The following PDLIM3 variants were observed in gnomAD, a reference collection of about 807,000 sequenced individuals.
PDLIM3 encodes PDZ and LIM domain 3.
PDLIM3 carries 36 observed loss-of-function variants against 37.3 expected under a neutral mutation model. That is an observed-to-expected ratio of 0.97 (90% CI 0.74 to 1.28). The LOEUF is 1.28. Among genes scored for constraint, PDLIM3 ranks in the 50% most tolerant of loss-of-function variants. PDLIM3 has a pLI of 0.00. For synonymous variants in PDLIM3, 174 were observed against 182.4 expected (o/e 0.95, Z 0.37); for missense variants, 454 against 485.0 (o/e 0.94, Z 0.60).
At chr4:185,506,095 T>G (rs932695882) in intron 6 of PDLIM3, among the ~76,000 whole-genome samples, 1 of 152,104 alleles carries the variant, frequency 6.6e-6, no homozygotes, top group Non-Finnish European at 1.5e-5. Flanking sequence ...CTGTGAGGAT[T>G]ACATGATACT....
Position 185,508,323 on chromosome 4 carries a change from G to C in PDLIM3, c.638C>G (p.Ala213Gly). The part of the protein sequence containing the change: ...METLQGQVST[A>G]LGETPLMSEP... ...CCTCATCAAAGGTGTTTCCCCTAGG[G>C]CTGTTGAAACCTGACCCTGGAGTGT... Residue 213 changes from alanine to glycine, a missense_variant, in exon 5 of 8, where the codon GCC (alanine) becomes GGC (glycine). By Grantham distance (60) the Ala-to-Gly change is moderately conservative (BLOSUM62 0). Coordinates refer to ENST00000284767, the MANE Select transcript of PDLIM3 (RefSeq NM_014476.6). 1 of 1,614,024 alleles carries C rather than the reference G, an allele frequency of 6.2e-7. No homozygotes were observed. The highest frequency in any genetic ancestry group is 8.5e-7 in the Non-Finnish European group (1 of 1,179,924).
At chr4:185,503,973 T>C (rs1247813575) in intron 7 of PDLIM3, among the ~76,000 whole-genome samples, 1 of 152,180 alleles carries the variant, frequency 6.6e-6, no homozygotes, top group Non-Finnish European at 1.5e-5. Flanking sequence ...TCCCTTGTAA[T>C]GGAAGCTGAC....
At chr4:185,512,618 T>C (rs540118542) in intron 4 of PDLIM3, 1 of 953,860 alleles carries the variant, frequency 1.0e-6, no homozygotes, top group South Asian at 4.8e-5. Context: ...AATTAAATGT[T>C]ATAGGTTTTT....
chr4:185,527,526 G>A (rs2095736366), intron 1 of PDLIM3, among the ~76,000 whole-genome samples: 1 of 152,218 alleles, frequency 6.6e-6, no homozygotes, highest in Non-Finnish European at 1.5e-5. Flanking sequence ...GTTAATAGAA[G>A]CTGGGTGAAG....
chr4:185,526,442 CAT>C (rs891546321), intron 1 of PDLIM3, among the ~76,000 whole-genome samples: 2 of 152,116 alleles, frequency 1.3e-5, no homozygotes, highest in African/African-American at 4.8e-5. Flanking sequence ...ATGCTGTCCA[CAT>C]GTTTTTCAGG....
At chr4:185,513,681 C>G in intron 4 of PDLIM3, 1 of 995,034 alleles carries the variant, frequency 1.0e-6, no homozygotes, top group Non-Finnish European at 1.2e-6. Flanking sequence ...ACTGGCTTAG[C>G]TGAGGTCAGA....
chr4:185,505,923 G>A (rs1409275612), intron 6 of PDLIM3, among the ~76,000 whole-genome samples: 1 of 152,220 alleles, frequency 6.6e-6, no homozygotes, highest in East Asian at 1.9e-4. Context: ...TTTGGGCATG[G>A]AGAAGCCTAG....
At position 185,521,409 on chromosome 4, in the gene PDLIM3, T is replaced by C. The variant is rs1289554022; in HGVS notation, c.330+1953A>G. Among the ~76,000 whole-genome samples the C allele has an allele frequency of 1.8e-4, 11 of 60,506 alleles. 3 individuals carry two copies. The highest frequency in any genetic ancestry group is 3.2e-4 in the African/African-American group (11 of 34,320). 39.7% of individuals were successfully genotyped at this position (60,506 alleles called of 152,430 possible). A position where few individuals can be genotyped will look rare whatever the true frequency, so the allele number is the denominator to read the frequency against. On this transcript the variant is annotated intron_variant, in intron 3 of 7. Coordinates refer to ENST00000284767, the MANE Select transcript of PDLIM3 (RefSeq NM_014476.6). The stretch of plus-strand genomic sequence containing the variant: ...ACTTTCTTTTCTTTTCTTTTTTTTT[T>C]TTTTTGAGACAGGGTCTTGCTCTGT...
chr4:185,528,165 AGAGTT>A, intron 1 of PDLIM3, among the ~76,000 whole-genome samples: 1 of 152,250 alleles, frequency 6.6e-6, no homozygotes, highest in Non-Finnish European at 1.5e-5. Context: ...ATACCTTAAT[AGAGTT>A]AAGTTATGTA....
In PDLIM3 at chr4:185,514,740, C is replaced by T. The variant is rs377642634; in HGVS notation, c.331-403G>A. 28 of 1,551,966 alleles carry T rather than the reference C, an allele frequency of 1.8e-5. No individual in the cohort carries two copies. Among genetic ancestry groups the T allele is most frequent in the South Asian group, 3.6e-5 (3 of 84,044 alleles). On this transcript the variant is annotated intron_variant, in intron 3 of 7. Coordinates refer to ENST00000284767, the MANE Select transcript of PDLIM3 (RefSeq NM_014476.6). The surrounding 1 kb of genome is among the most constrained non-coding windows in gnomAD (Gnocchi z 4.0). ...CTAGGAATGAGACCCCGCAGCTGTC[C>T]GTGAAGCGCATCTTGTATATTGCTA...
At chr4:185,517,403 C>G (rs948390510) in intron 3 of PDLIM3, 7 of 99,186 alleles carry the variant, frequency 7.1e-5, no homozygotes, top group African/African-American at 2.8e-4. Flanking sequence ...GCCTTAAAGT[C>G]TTTGTAAATA....
In PDLIM3 at chr4:185,502,318, C is replaced by T. The variant is rs772388695; in HGVS notation, c.1071G>A (p.Thr357=). The part of the protein sequence containing the change: ...ARTKPPEGYD[T]VTLYPKA ...CTTAAGCTTTGGGATACAGAGTGAC[C>T]GTGTCATAGCCCTCTGGGGGCTTTG... The change falls in exon 8 of 8, where the codon ACG becomes ACA. Residue 357 remains threonine (T), a synonymous_variant. Coordinates refer to ENST00000284767, the MANE Select transcript of PDLIM3 (RefSeq NM_014476.6). 18 of 1,614,218 alleles carry T rather than the reference C, an allele frequency of 1.1e-5. No individual in the cohort carries two copies. Among genetic ancestry groups the T allele is most frequent in the East Asian group, 2.2e-5 (1 of 44,882 alleles).
At chr4:185,526,871 C>CT (rs2095735185) in intron 1 of PDLIM3, among the ~76,000 whole-genome samples, 1 of 152,216 alleles carries the variant, frequency 6.6e-6, no homozygotes, top group African/African-American at 2.4e-5. Context: ...ATGCTGCACT[C>CT]TCAGAAAGAC....
rs1185727129 is a variant in PDLIM3 at position 185,521,927 on chromosome 4, T to C, written c.330+1435A>G. ...CTCAAGGTTCCTGCCTTCATGAACATATTCTCTGTCCTGCTCACTCCTTTT... is the reference window on the plus strand; with the variant it reads ...CTCAAGGTTCCTGCCTTCATGAACACATTCTCTGTCCTGCTCACTCCTTTT... On this transcript the variant is annotated intron_variant, in intron 3 of 7. Transcript: ENST00000284767. Among the ~76,000 whole-genome samples the C allele has an allele frequency of 2.9e-4, 19 of 66,260 alleles. 8 individuals are homozygous for C. Among genetic ancestry groups the C allele is most frequent in the Non-Finnish European group, 8.1e-4 (13 of 16,052 alleles). 43.5% of individuals were successfully genotyped at this position (66,260 alleles called of 152,430 possible). A position where few individuals can be genotyped will look rare whatever the true frequency, so the allele number is the denominator to read the frequency against.
intron 4 of PDLIM3, among the ~76,000 whole-genome samples, chr4:185,511,087 T>A (rs1460838802): frequency 6.6e-6 from 1 of 152,214 alleles, no homozygotes; most frequent in Admixed American, 6.5e-5. Context: ...ATTTGACAGA[T>A]TGCTAATTTC....
chr4:185,513,224 TG>T, intron 4 of PDLIM3: 1 of 985,590 alleles, frequency 1.0e-6, no homozygotes. Context: ...GCCTTTCTCC[TG>T]CTCCTCTGGT....
chr4:185,502,122 G>A lies in PDLIM3; in HGVS notation c.*172C>T, dbSNP rs2095687976. On this transcript the variant is annotated 3_prime_UTR_variant, in exon 8 of 8. Transcript: ENST00000284767. ...AAGTGTATGTTTTTTTCACATAGCA[G>A]GCATTTGCCTCCCATTCCTTTTCCT... The A allele has an allele frequency of 1.4e-6, 1 of 703,142 alleles. No individual in the cohort carries two copies. Among genetic ancestry groups the A allele is most frequent in the South Asian group, 1.6e-5 (1 of 60,922 alleles). 43.6% of individuals were successfully genotyped at this position (703,142 alleles called of 1,614,324 possible).
At chr4:185,522,712 T>C (rs2095724710) in intron 3 of PDLIM3, among the ~76,000 whole-genome samples, 4 of 66,962 alleles carry the variant, frequency 6.0e-5, no homozygotes, top group African/African-American at 1.1e-4. Flanking sequence ...CAAGATTTGA[T>C]TTAATTTCAG....
chr4:185,517,217 C>A (rs184774522), intron 3 of PDLIM3: 38 of 152,190 alleles, frequency 2.5e-4, no homozygotes, highest in African/African-American at 6.7e-4. Context: ...ATGATTCAAG[C>A]CTTTTTGATA....
Sources: allele counts gnomAD v4.1 joint callset (sites outside exome capture counted in the v4.1 genomes callset), GRCh38; gene constraint gnomAD v4.1.1; non-coding constraint Gnocchi (gnomAD v3.1); transcripts MANE v1.5; gene names NCBI Gene and HGNC (gene_info 2026-07-23, HGNC 2026-07-21).